The following ANO2 variants were observed in gnomAD, a reference collection of about 807,000 sequenced individuals.
The protein encoded by ANO2 is anoctamin-2.
In ANO2, 101 loss-of-function variants were observed where a neutral mutation model predicts 124.2. The observed-to-expected ratio is 0.81, with a 90% CI of 0.69 to 0.96. The LOEUF (loss-of-function observed/expected upper bound fraction) is 0.96, where lower values mean the gene tolerates loss of function less well. Ranked by LOEUF, ANO2 falls within the 40% of genes least tolerant of loss-of-function variation. The probability of loss-of-function intolerance (pLI) is 0.00; values close to 1 mark genes in which losing one functional copy is unlikely to be tolerated. For synonymous variants in ANO2, 486 were observed against 482.5 expected (o/e 1.01, Z -0.09); for missense variants, 1,293 against 1,274.5 (o/e 1.01, Z -0.22).
At chr12:5,677,098 C>T (rs143669700) in intron 14 of ANO2, among the ~76,000 whole-genome samples, 4 of 149,714 alleles carry the variant, frequency 2.7e-5, no homozygotes, top group African/African-American at 7.4e-5. Flanking sequence ...GAGCTTCAGG[C>T]ATAAGAGAAG....
At chr12:5,733,152 C>T (rs919176426) in intron 13 of ANO2, 1 of 543,622 alleles carries the variant, frequency 1.8e-6, no homozygotes, top group Non-Finnish European at 3.3e-6. Flanking sequence ...CAATAAACAT[C>T]AAAGTCAAGG....
rs1383080325 is a variant in ANO2 at position 5,925,809 on chromosome 12, C to G, written c.23-3005G>C. ...CCGTGAGGGTGGGGGCATGGCTTACCCACGTCTGGGTTGAGGAGATGGATG... is the reference window on the plus strand; with the variant it reads ...CCGTGAGGGTGGGGGCATGGCTTACGCACGTCTGGGTTGAGGAGATGGATG... On this transcript the variant is annotated intron_variant, in intron 1 of 24. Transcript: ENST00000682330. This position sits in a 1 kb window ranked among gnomAD's most constrained non-coding sequence, Gnocchi z 4.6. 6.6e-6 allele frequency among the ~76,000 whole-genome samples: 1 copy of G among 152,204 alleles called. No individual in the cohort carries two copies. Among genetic ancestry groups the G allele is most frequent in the Admixed American group, 6.5e-5 (1 of 15,282 alleles).
intron 15 of ANO2, among the ~76,000 whole-genome samples, chr12:5,642,407 T>A (rs1565512769): frequency 6.6e-6 from 1 of 152,136 alleles, no homozygotes; most frequent in Non-Finnish European, 1.5e-5. Context: ...GATTTTGGGC[T>A]GCTCAGGATA....
intron 3 of ANO2, among the ~76,000 whole-genome samples, chr12:5,860,254 G>A (rs1237504310): frequency 2.0e-5 from 3 of 152,088 alleles, no homozygotes; most frequent in Middle Eastern, 3.2e-3. Context: ...CTGAGCCGTG[G>A]ATTATGCCTG....
rs4471528 is a variant in ANO2 at position 5,580,891 on chromosome 12, C to A, written c.2234-2373G>T. Among the ~76,000 whole-genome samples, 419 of 152,240 alleles carry A rather than the reference C, an allele frequency of 2.8e-3. 3 individuals are homozygous for A. Among genetic ancestry groups the A allele is most frequent in the African/African-American group, 9.9e-3 (413 of 41,570 alleles). ...GCAAGTGCTGGTCGGTAGCAAGACACCTGCACCGAAATACACAGATTTGTC... is the reference window on the plus strand; with the variant it reads ...GCAAGTGCTGGTCGGTAGCAAGACAACTGCACCGAAATACACAGATTTGTC... On this transcript the variant is annotated intron_variant, in intron 20 of 24. Coordinates refer to ENST00000682330, the MANE Select transcript of ANO2 (RefSeq NM_001364791.2).
At chr12:5,783,110 A>T (rs1234597857) in intron 10 of ANO2, among the ~76,000 whole-genome samples, 1 of 152,214 alleles carries the variant, frequency 6.6e-6, no homozygotes, top group African/African-American at 2.4e-5. Context: ...ACACACTGAG[A>T]GCTCATGCTC....
At chr12:5,727,653 T>C (rs969247701) in intron 14 of ANO2, among the ~76,000 whole-genome samples, 1 of 149,500 alleles carries the variant, frequency 6.7e-6, no homozygotes, top group Non-Finnish European at 1.5e-5. Flanking sequence ...TTTTTTTTTT[T>C]TTGAGACGGA....
intron 1 of ANO2, among the ~76,000 whole-genome samples, chr12:5,923,092 A>ACG (rs1491246524): frequency 6.5e-4 from 7 of 10,720 alleles, no homozygotes; most frequent in African/African-American, 8.7e-4. Context: ...ACACACACAC[A>ACG]CGCACACACA....
rs200863177 is a variant in ANO2 at position 5,770,540 on chromosome 12, A to G, written c.1056-19570T>C. On this transcript the variant is annotated intron_variant, in intron 10 of 24. Transcript: ENST00000682330. ...TTTAAAAAATCAAATTCCACTTCCA[A>G]TTCATCAGTAAATCCTATAGACGCT... is the stretch of plus-strand genomic sequence containing the variant. 4.9e-4 allele frequency among the ~76,000 whole-genome samples: 74 copies of G among 152,272 alleles called. No individual in the cohort carries two copies. The East Asian group carries it at 0.013, about 27-fold the overall frequency.
intron 4 of ANO2, among the ~76,000 whole-genome samples, chr12:5,847,395 T>C (rs368069589): frequency 1.3e-5 from 2 of 151,924 alleles, no homozygotes; most frequent in South Asian, 2.1e-4. Flanking sequence ...CTGCAGATCT[T>C]GAGACTTCCC....
intron 14 of ANO2, among the ~76,000 whole-genome samples, chr12:5,695,667 C>T (rs1949138620): frequency 1.3e-5 from 2 of 152,166 alleles, no homozygotes; most frequent in South Asian, 4.1e-4. Context: ...ATGGCAAAAC[C>T]CCATCTCTAC....
chr12:5,914,928 A>G (rs1480114435), intron 3 of ANO2, among the ~76,000 whole-genome samples: 2 of 152,168 alleles, frequency 1.3e-5, no homozygotes, highest in Non-Finnish European at 2.9e-5. Flanking sequence ...TCTGGGTCAA[A>G]GCAGGAGGTT....
chr12:5,836,881 T>C (rs1422460350), intron 4 of ANO2: 1 of 154,400 alleles, frequency 6.5e-6, no homozygotes, highest in East Asian at 1.9e-4. Context: ...ATCACAGTTG[T>C]AATTTTATAC....
At chr12:5,914,969 G>A (rs530623328) in intron 3 of ANO2, among the ~76,000 whole-genome samples, 25 of 152,262 alleles carry the variant, frequency 1.6e-4, no homozygotes, top group African/African-American at 4.8e-4. Flanking sequence ...GAGGTGGGCC[G>A]ACCAGACCTC....
chr12:5,601,090 C>T (rs1591706765), intron 19 of ANO2, among the ~76,000 whole-genome samples: 1 of 152,264 alleles, frequency 6.6e-6, no homozygotes, highest in East Asian at 1.9e-4. Flanking sequence ...TCACAAATCA[C>T]CAACTATATG....
chr12:5,762,063 C>G (rs537711789), intron 10 of ANO2, among the ~76,000 whole-genome samples: 9 of 152,086 alleles, frequency 5.9e-5, no homozygotes, highest in Admixed American at 5.9e-4. Flanking sequence ...AATTGTATAA[C>G]TGTATTTTTA....
chr12:5,929,751 TCTTCCTTCCTTACGAGTCTAC>T (rs1942269698), intron 1 of ANO2, among the ~76,000 whole-genome samples: 1 of 151,252 alleles, frequency 6.6e-6, no homozygotes, highest in African/African-American at 2.4e-5. Context: ...TTCTTACCAG[TCTTCCTTCCTTACGAGTCTAC>T]CTTCCTTCCT....
rs1470626947 is a variant in ANO2, at chr12:5,862,845, C to T, written c.535-8704G>A. On this transcript the variant is annotated intron_variant, in intron 3 of 24. Coordinates refer to ENST00000682330, the MANE Select transcript of ANO2 (RefSeq NM_001364791.2). The surrounding 1 kb of genome is among the most constrained non-coding windows in gnomAD (Gnocchi z 4.0). Reference sequence around the variant, plus strand: ...CGCTCTTGTTACCCAGGCTGGAGTGCAATGGCGCAATCTTGGCTCACTGCA... The same window carrying T: ...CGCTCTTGTTACCCAGGCTGGAGTGTAATGGCGCAATCTTGGCTCACTGCA... 1.3e-5 allele frequency among the ~76,000 whole-genome samples: 2 copies of T among 152,132 alleles called. No individual in the cohort carries two copies. Among genetic ancestry groups the T allele is most frequent in the Admixed American group, 1.3e-4 (2 of 15,286 alleles).
chr12:5,910,874 C>T lies in ANO2; in HGVS notation c.534+10166G>A, dbSNP rs115762152. 2.6e-3 allele frequency among the ~76,000 whole-genome samples: 399 copies of T among 152,326 alleles called. 2 individuals are homozygous for T. Among genetic ancestry groups the T allele is most frequent in the African/African-American group, 8.6e-3 (359 of 41,580 alleles). On this transcript the variant is annotated intron_variant, in intron 3 of 24. Coordinates refer to ENST00000682330, the MANE Select transcript of ANO2 (RefSeq NM_001364791.2). ...AAAGCCTTAAAGACTCTGTCTACCA[C>T]GTACACCACCCACTTCAGCTAAACC...
Sources: allele counts gnomAD v4.1 joint callset (sites outside exome capture counted in the v4.1 genomes callset), GRCh38; gene constraint gnomAD v4.1.1; non-coding constraint Gnocchi (gnomAD v3.1); transcripts MANE v1.5; gene names NCBI Gene and HGNC (gene_info 2026-07-23, HGNC 2026-07-21).